ADGRL3: variants seen among roughly 807,000 people sequenced by gnomAD.
ADGRL3 encodes the protein calcium-independent alpha-latrotoxin receptor 3.
ADGRL3 carries 62 observed loss-of-function variants against 153.5 expected under a neutral mutation model. The ratio of observed to expected loss-of-function variants is 0.40; its 90% confidence interval spans 0.33 to 0.50. The LOEUF (loss-of-function observed/expected upper bound fraction) is 0.50. ADGRL3 is among the 20% of genes least tolerant of loss of function. The probability of loss-of-function intolerance (pLI) is 0.47; values close to 1 mark genes in which losing one functional copy is unlikely to be tolerated. For missense variants in ADGRL3, 1,641 were observed against 1,859.4 expected, an observed-to-expected ratio of 0.88 and a Z score of 2.16; for synonymous variants, 710 against 672.5, an observed-to-expected ratio of 1.06 and a Z score of -0.86.
chr4:61,687,820 T>C (rs1281814523), intron 6 of ADGRL3, among the ~76,000 whole-genome samples: 1 of 152,034 alleles, frequency 6.6e-6, no homozygotes, highest in Non-Finnish European at 1.5e-5. Flanking sequence ...AAATAGAAAT[T>C]TTTTTACAAT....
chr4:61,317,178 C>A (rs111386669), intron 1 of ADGRL3, among the ~76,000 whole-genome samples: 1,762 of 152,214 alleles, frequency 0.012, 34 homozygotes, highest in African/African-American at 0.04. Context: ...TGTGATTATT[C>A]TTTTAAAAAC....
At chr4:61,748,634 T>C in intron 8 of ADGRL3, among the ~76,000 whole-genome samples, 1 of 152,100 alleles carries the variant, frequency 6.6e-6, no homozygotes, top group East Asian at 1.9e-4. Flanking sequence ...TAATAAATGG[T>C]GTTGGGAAAA....
At chr4:61,542,781 C>A (rs962087768) in intron 4 of ADGRL3, among the ~76,000 whole-genome samples, 1 of 152,118 alleles carries the variant, frequency 6.6e-6, no homozygotes, top group African/African-American at 2.4e-5. Context: ...TGTGACTGTG[C>A]TTTCTTACCA....
intron 1 of ADGRL3, among the ~76,000 whole-genome samples, chr4:61,365,753 C>T (rs2096383532): frequency 6.6e-6 from 1 of 152,160 alleles, no homozygotes; most frequent in Non-Finnish European, 1.5e-5. Context: ...GAATTGGCAA[C>T]TATTAACTGA....
intron 9 of ADGRL3, among the ~76,000 whole-genome samples, chr4:61,886,503 A>C (rs903973721): frequency 6.6e-6 from 1 of 152,208 alleles, no homozygotes; most frequent in African/African-American, 2.4e-5. Context: ...GTAAAGGGAA[A>C]ACCATGAAGA....
intron 15 of ADGRL3, 52 bp from the exon 16 acceptor site, chr4:61,946,862 T>C: frequency 7.5e-7 from 1 of 1,326,572 alleles, no homozygotes; most frequent in Non-Finnish European, 1.1e-6. Flanking sequence ...TCATTAGTAC[T>C]AACTAATTTA....
intron 8 of ADGRL3, among the ~76,000 whole-genome samples, chr4:61,790,907 A>G (rs988063987): frequency 6.6e-6 from 1 of 152,238 alleles, no homozygotes; most frequent in Middle Eastern, 3.4e-3. Flanking sequence ...ATCAGATCTC[A>G]TGAGACTTAG....
chr4:61,929,467 G>A (rs904396888), intron 13 of ADGRL3, among the ~76,000 whole-genome samples: 6 of 152,156 alleles, frequency 3.9e-5, no homozygotes, highest in Non-Finnish European at 7.3e-5. Context: ...TAGTTAATAA[G>A]TTTTATCATT....
intron 1 of ADGRL3, among the ~76,000 whole-genome samples, chr4:61,223,494 G>GT (rs1428253198): frequency 6.6e-6 from 1 of 152,348 alleles, no homozygotes; most frequent in East Asian, 1.9e-4. Flanking sequence ...AAGCACAGTG[G>GT]TTTTGAAAGT....
At chr4:62,067,858 C>G (rs1026884245) in intron 25 of ADGRL3, among the ~76,000 whole-genome samples, 13 of 151,970 alleles carry the variant, frequency 8.6e-5, no homozygotes, top group Non-Finnish European at 1.9e-4. Flanking sequence ...AATTTTTACT[C>G]TCCTTGGTTT....
intron 1 of ADGRL3, among the ~76,000 whole-genome samples, chr4:61,321,388 A>G (rs1270575645): frequency 2.6e-5 from 4 of 152,078 alleles, no homozygotes; most frequent in Non-Finnish European, 5.9e-5. Context: ...CTCATCTGTA[A>G]GTTGAACTAA....
rs140379308 is a variant in ADGRL3, at chr4:61,478,755, GTATTGATT to G, written c.-173-18362_-173-18355del. Among the ~76,000 whole-genome samples, 273 of 152,078 alleles carry G rather than the reference GTATTGATT, an allele frequency of 1.8e-3. 5 individuals carry two copies. In the East Asian group the frequency reaches 0.044, roughly 25 times the overall value. The stretch of plus-strand genomic sequence containing the variant: ...CAGTATTCAGCAAATTTGCCCTTAA[GTATTGATT>G]TATAATAATGCATGCTTTCCTATCA... On this transcript the variant is annotated intron_variant, in intron 2 of 26. Transcript: ENST00000683033.
chr4:61,516,148 G>A (rs1345018415), intron 3 of ADGRL3, among the ~76,000 whole-genome samples: 1 of 151,904 alleles, frequency 6.6e-6, no homozygotes, highest in Non-Finnish European at 1.5e-5. Flanking sequence ...CATAAAACTT[G>A]TATTATTTTA....
At chr4:61,342,919 G>A (rs150179621) in intron 1 of ADGRL3, among the ~76,000 whole-genome samples, 272 of 152,304 alleles carry the variant, frequency 1.8e-3, no homozygotes, top group African/African-American at 6.4e-3. Context: ...TTGACTCACA[G>A]TTCCACATGG....
At chr4:61,207,554 G>A (rs1201233653) in intron 1 of ADGRL3, among the ~76,000 whole-genome samples, 1 of 152,102 alleles carries the variant, frequency 6.6e-6, no homozygotes, top group Non-Finnish European at 1.5e-5. Flanking sequence ...AATCCTTTGG[G>A]TATATACCCA....
intron 1 of ADGRL3, among the ~76,000 whole-genome samples, chr4:61,348,292 A>G (rs1319033812): frequency 3.3e-5 from 5 of 151,986 alleles, no homozygotes; most frequent in Non-Finnish European, 7.4e-5. Flanking sequence ...CATATATTGA[A>G]ATAATAAGGA....
intron 1 of ADGRL3, among the ~76,000 whole-genome samples, chr4:61,304,261 T>C (rs1461387620): frequency 1.3e-5 from 2 of 152,236 alleles, no homozygotes; most frequent in Non-Finnish European, 2.9e-5. Flanking sequence ...GAAATGCATT[T>C]GATTTTAATC....
Position 62,043,435 on chromosome 4 carries a change from A to C in ADGRL3, c.3718-1018A>C, listed in dbSNP as rs6833782. On this transcript the variant is annotated intron_variant, in intron 24 of 26. Coordinates refer to ENST00000683033, the MANE Select transcript of ADGRL3 (RefSeq NM_001387552.1). The stretch of plus-strand genomic sequence containing the variant: ...TGTGTCTGTGTGTGTGTGCATGCAC[A>C]CATTTGTCAACCTAGGGAAAATGTG... Among the ~76,000 whole-genome samples, 57 of 152,024 alleles carry C rather than the reference A, an allele frequency of 3.7e-4. 2 individuals carry two copies.
In ADGRL3 at chr4:61,868,089, C is replaced by T. The variant is rs150883922; in HGVS notation, c.1481-24567C>T. Among the ~76,000 whole-genome samples the T allele has an allele frequency of 1.4e-3, 218 of 152,114 alleles. 3 individuals are homozygous for T. The highest frequency in any genetic ancestry group is 4.8e-3 in the African/African-American group (200 of 41,504). On this transcript the variant is annotated intron_variant, in intron 9 of 26. Transcript: ENST00000683033. Reference sequence around the variant, plus strand: ...TATGCACAAAAAATTTAAATTGAATCGTATACTTTCTTGTGGAGATATATA... The same window carrying T: ...TATGCACAAAAAATTTAAATTGAATTGTATACTTTCTTGTGGAGATATATA...
Sources: allele counts gnomAD v4.1 joint callset (sites outside exome capture counted in the v4.1 genomes callset), GRCh38; gene constraint gnomAD v4.1.1; transcripts MANE v1.5; gene names NCBI Gene and HGNC (gene_info 2026-07-23, HGNC 2026-07-21).